RELN: variants seen among roughly 807,000 people sequenced by gnomAD.
RELN encodes reelin.
In RELN, 108 loss-of-function variants were observed where a neutral mutation model predicts 427.6. The observed-to-expected ratio is 0.25, with a 90% CI of 0.22 to 0.30. The LOEUF (loss-of-function observed/expected upper bound fraction) is 0.30, where lower values mean the gene tolerates loss of function less well. Among genes scored for constraint, RELN ranks in the 10% least tolerant of loss-of-function variants. The pLI is 1.00. For missense variants in RELN, 3,715 were observed against 4,302.8 expected (o/e 0.86, Z 3.82); for synonymous variants, 1,524 against 1,513.4 (o/e 1.01, Z -0.16).
At chr7:103,868,239 C>G (rs1025814526) in intron 2 of RELN, among the ~76,000 whole-genome samples, 2 of 152,080 alleles carry the variant, frequency 1.3e-5, no homozygotes, top group East Asian at 3.9e-4. Context: ...CAGCCTCAAA[C>G]CGAGCAAGCT....
chr7:103,604,988 C>T (rs552188977), intron 22 of RELN, among the ~76,000 whole-genome samples: 13 of 152,210 alleles, frequency 8.5e-5, no homozygotes, highest in African/African-American at 3.1e-4. Flanking sequence ...CACCAACATG[C>T]CTGGCTAATT....
chr7:103,641,182 C>A (rs1290285742), intron 16 of RELN, among the ~76,000 whole-genome samples: 6 of 152,110 alleles, frequency 3.9e-5, no homozygotes, highest in Non-Finnish European at 7.4e-5. Context: ...ATTATTAATT[C>A]TTTTGTTAAT....
At chr7:103,810,582 G>A (rs886174143) in intron 3 of RELN, among the ~76,000 whole-genome samples, 3 of 152,120 alleles carry the variant, frequency 2.0e-5, no homozygotes, top group South Asian at 2.1e-4. Flanking sequence ...GTGACAAGGC[G>A]CGCCAACCTG....
intron 12 of RELN, among the ~76,000 whole-genome samples, chr7:103,656,553 C>T (rs1215558933): frequency 2.0e-5 from 3 of 152,016 alleles, no homozygotes; most frequent in African/African-American, 7.2e-5. Context: ...AGGGTGAAGC[C>T]ATGGTCTGAA....
At chr7:103,694,839 A>T (rs34256264) in intron 10 of RELN, among the ~76,000 whole-genome samples, 84,123 of 130,204 alleles carry the variant, frequency 0.65, 24,034 homozygotes, top group African/African-American at 0.7. Context: ...TTTTTTTTTT[A>T]ATTTTTGTAG....
intron 2 of RELN, among the ~76,000 whole-genome samples, chr7:103,883,097 T>G (rs991701234): frequency 3.9e-5 from 6 of 152,222 alleles, no homozygotes; most frequent in African/African-American, 1.4e-4. Flanking sequence ...CACAATCAAG[T>G]TGATTTCATC....
At position 103,522,195 on chromosome 7, in the gene RELN, C is replaced by T; in HGVS notation, c.7495G>A (p.Asp2499Asn). Residue 2499 changes from aspartate (D) to asparagine (N), a missense_variant, in exon 48 of 65, where the codon GAT becomes AAT. This residue lies in a region of RELN where 1,310 missense variants were observed against 1,643.0 expected (regional missense o/e 0.80). Transcript: ENST00000428762. ...CAGTACAGGCCACCCCACTGTTCAT[C>T]ACAGCTGGGTGCAGAGCAAGAGAGA... ...GRCIQGNCVC[D>N]EQWGGLYCDD... 6.2e-7 allele frequency: 1 copy of T among 1,613,904 alleles called. No homozygotes were observed.
chr7:103,804,682 G>C (rs896122555), intron 3 of RELN, among the ~76,000 whole-genome samples: 1 of 152,116 alleles, frequency 6.6e-6, no homozygotes, highest in South Asian at 2.1e-4. Flanking sequence ...ATAAACTAAT[G>C]CATGTTATCA....
intron 1 of RELN, among the ~76,000 whole-genome samples, chr7:103,972,584 G>T (rs1796785989): frequency 6.6e-6 from 1 of 152,032 alleles, no homozygotes; most frequent in African/African-American, 2.4e-5. Context: ...ACAATGACTG[G>T]CGTTGGCCAT....
intron 3 of RELN, among the ~76,000 whole-genome samples, chr7:103,779,921 T>G (rs548297596): frequency 6.6e-6 from 1 of 152,268 alleles, no homozygotes; most frequent in East Asian, 1.9e-4. Flanking sequence ...AGTAACAGGG[T>G]TTCACCATGT....
intron 4 of RELN, among the ~76,000 whole-genome samples, chr7:103,758,621 T>C (rs555183701): frequency 6.6e-6 from 1 of 151,422 alleles, no homozygotes; most frequent in African/African-American, 2.4e-5. Flanking sequence ...ATTTCATAAG[T>C]CAAATCCCTC....
chr7:103,819,202 T>TTTTACTGTCA (rs1792956255), intron 3 of RELN, among the ~76,000 whole-genome samples: 1 of 152,100 alleles, frequency 6.6e-6, no homozygotes, highest in Non-Finnish European at 1.5e-5. Context: ...TTAAAATAAG[T>TTTTACTGTCA]TTTACTGTCA....
intron 4 of RELN, among the ~76,000 whole-genome samples, chr7:103,765,589 A>G (rs1291002671): frequency 1.3e-5 from 2 of 152,238 alleles, no homozygotes; most frequent in African/African-American, 4.8e-5. Context: ...AATAAACTGG[A>G]TGAAATAATA....
At chr7:103,848,154 G>A (rs910957962) in intron 2 of RELN, among the ~76,000 whole-genome samples, 2 of 152,100 alleles carry the variant, frequency 1.3e-5, no homozygotes, top group African/African-American at 4.8e-5. Flanking sequence ...GGGTTACCAC[G>A]CCTCTTGTTC....
chr7:103,676,611 T>C (rs1313038516), intron 11 of RELN, among the ~76,000 whole-genome samples: 2 of 152,230 alleles, frequency 1.3e-5, no homozygotes, highest in East Asian at 1.9e-4. Flanking sequence ...TGAGGCACTA[T>C]TCACAATAGC....
At chr7:103,568,308 T>C (rs1584303649) in intron 31 of RELN, among the ~76,000 whole-genome samples, 1 of 152,142 alleles carries the variant, frequency 6.6e-6, no homozygotes, top group East Asian at 1.9e-4. Flanking sequence ...TGACAAAGGA[T>C]GATGCCAGGA....
chr7:103,959,442 T>G (rs113337977), intron 1 of RELN, among the ~76,000 whole-genome samples: 2 of 152,170 alleles, frequency 1.3e-5, no homozygotes, highest in African/African-American at 2.4e-5. Context: ...GCATCACATA[T>G]GTGTCCAACA....
intron 32 of RELN, 48 bp downstream of exon 32, chr7:103,566,553 C>T (rs754674976): frequency 1.2e-5 from 20 of 1,611,958 alleles, no homozygotes; most frequent in East Asian, 2.2e-5. Context: ...GGTATGGATA[C>T]TTCATGACCT....
At position 103,603,511 on chromosome 7, in the gene RELN, G is replaced by A. The variant is rs369187170; in HGVS notation, c.3147-21C>T. On this transcript the variant is annotated intron_variant, in intron 23 of 64. Coordinates refer to ENST00000428762, the MANE Select transcript of RELN (RefSeq NM_005045.4). This position sits in a 1 kb window ranked among gnomAD's most constrained non-coding sequence, Gnocchi z 4.3. Reference sequence around the variant, plus strand: ...CACACCTATGAGAGAGCAGGGCTGAGTAGGCAGGTTACAGGCCCACCTGCC... The same window carrying A: ...CACACCTATGAGAGAGCAGGGCTGAATAGGCAGGTTACAGGCCCACCTGCC... 17 of 1,607,740 alleles carry A rather than the reference G, an allele frequency of 1.1e-5. No homozygotes were observed. Among genetic ancestry groups the A allele is most frequent in the Non-Finnish European group, 1.4e-5 (16 of 1,174,400 alleles).
Sources: allele counts gnomAD v4.1 joint callset (sites outside exome capture counted in the v4.1 genomes callset), GRCh38; gene constraint gnomAD v4.1.1; regional missense constraint gnomAD v4.1.1; non-coding constraint Gnocchi (gnomAD v3.1); transcripts MANE v1.5; gene names NCBI Gene and HGNC (gene_info 2026-07-23, HGNC 2026-07-21).